Variants in KCNQ1 observed in about 807,000 individuals in gnomAD.
KCNQ1 encodes the protein potassium voltage-gated channel subfamily KQT member 1.
In KCNQ1, 49 loss-of-function variants were observed where a neutral mutation model predicts 72.4. The ratio of observed to expected loss-of-function variants is 0.68; its 90% CI spans 0.54 to 0.86. KCNQ1 has a LOEUF of 0.86. KCNQ1 is among the 40% of genes least tolerant of loss of function. The pLI is 0.00. For missense variants in KCNQ1, 790 were observed against 945.1 expected (o/e 0.84, Z 2.15); for synonymous variants, 450 against 412.6 (o/e 1.09, Z -1.10).
rs961361668 is a variant in KCNQ1, at chr11:2,767,445, G to A, written c.1515-1399G>A. Among the ~76,000 whole-genome samples, 9 of 152,194 alleles carry A rather than the reference G, an allele frequency of 5.9e-5. No homozygotes were observed. Among genetic ancestry groups the A allele is most frequent in the African/African-American group, 2.2e-4 (9 of 41,450 alleles). On this transcript the variant is annotated intron_variant, in intron 11 of 15. Coordinates refer to ENST00000155840, the MANE Select transcript of KCNQ1 (RefSeq NM_000218.3). The surrounding 1 kb of genome is among the most constrained non-coding windows in gnomAD (Gnocchi z 4.6). The stretch of plus-strand genomic sequence containing the variant: ...CAGACTCCATCTCTTAATGGAAGGA[G>A]CTGCAAGTATTTAAGGCTGTTGGAA...
In KCNQ1 at chr11:2,746,064, A is replaced by G. The variant is rs145467696; in HGVS notation, c.1515-22780A>G. On this transcript the variant is annotated intron_variant, in intron 11 of 15. Transcript: ENST00000155840. The surrounding 1 kb of genome is among the most constrained non-coding windows in gnomAD (Gnocchi z 5.9). Reference sequence around the variant, plus strand: ...GCCACCACACCTAGCTAATTTTTGTATTTTTGGTAGAGGTGGGGTTTCACC... The same window carrying G: ...GCCACCACACCTAGCTAATTTTTGTGTTTTTGGTAGAGGTGGGGTTTCACC... 0.012 allele frequency among the ~76,000 whole-genome samples: 1,830 copies of G among 152,038 alleles called. 74 individuals are homozygous for G. The highest frequency in any genetic ancestry group is 0.1 in the East Asian group (514 of 5,140).
intron 10 of KCNQ1, chr11:2,625,529 A>T: frequency 7.6e-6 from 3 of 396,446 alleles, no homozygotes; most frequent in Non-Finnish European, 8.9e-6. Flanking sequence ...ACGTACTATT[A>T]TCCATTTGTA....
At chr11:2,640,816 T>C in intron 10 of KCNQ1, 1 of 398,916 alleles carries the variant, frequency 2.5e-6, no homozygotes, top group Non-Finnish European at 4.4e-6. Context: ...CTAACCAACC[T>C]CTCTTCACCC....
rs1411834072 is a variant in KCNQ1 at position 2,645,217 on chromosome 11, C to T, written c.1394-16744C>T. 2.5e-6 allele frequency: 1 copy of T among 398,412 alleles called. No individual in the cohort carries two copies. The highest frequency in any genetic ancestry group is 2.1e-5 in the African/African-American group (1 of 48,562). 24.7% of individuals were successfully genotyped at this position (398,412 alleles called of 1,614,324 possible). A position where few individuals can be genotyped will look rare whatever the true frequency, so the allele number is the denominator to read the frequency against. ...AAGCTGGATGAGCTTGTCCCAAGGC[C>T]CACAGGTGGCAAATTCAAGTGAATG... On this transcript the variant is annotated intron_variant, in intron 10 of 15. Transcript: ENST00000155840. This position sits in a 1 kb window ranked among gnomAD's most constrained non-coding sequence, Gnocchi z 5.8.
chr11:2,778,945 G>A (rs1049750459), intron 15 of KCNQ1, among the ~76,000 whole-genome samples: 30 of 152,178 alleles, frequency 2.0e-4, no homozygotes, highest in Middle Eastern at 3.4e-3. Context: ...GACCTGCAGC[G>A]TCACCCTCTC....
At chr11:2,650,750 T>C (rs575787607) in intron 10 of KCNQ1, 5 of 398,686 alleles carry the variant, frequency 1.3e-5, no homozygotes, top group African/African-American at 4.1e-5. Context: ...CTCACTTTGC[T>C]ACCCACAGGC....
intron 11 of KCNQ1, chr11:2,696,057 A>G (rs1463984776): frequency 5.0e-6 from 2 of 398,498 alleles, no homozygotes; most frequent in African/African-American, 4.1e-5. Flanking sequence ...TATTATGAAA[A>G]CAGTCTTGAC....
At position 2,595,520 on chromosome 11, in the gene KCNQ1, C is replaced by T. The variant is rs1207488692; in HGVS notation, c.1393+6666C>T. ...TAAGAATTATGCTAAATCTACTCTGCTTATGCTCTATAATGAAGCAACAAA... is the reference window on the plus strand; with the variant it reads ...TAAGAATTATGCTAAATCTACTCTGTTTATGCTCTATAATGAAGCAACAAA... On this transcript the variant is annotated intron_variant, in intron 10 of 15. Coordinates refer to ENST00000155840, the MANE Select transcript of KCNQ1 (RefSeq NM_000218.3). The surrounding 1 kb of genome is among the most constrained non-coding windows in gnomAD (Gnocchi z 5.0). 6.6e-6 allele frequency among the ~76,000 whole-genome samples: 1 copy of T among 152,158 alleles called. No individual in the cohort carries two copies. The highest frequency in any genetic ancestry group is 1.5e-5 in the Non-Finnish European group (1 of 68,022).
chr11:2,475,269 G>A lies in KCNQ1; in HGVS notation c.386+29785G>A, dbSNP rs1003244291. 2.6e-5 allele frequency among the ~76,000 whole-genome samples: 4 copies of A among 151,668 alleles called. No homozygotes were observed. Among genetic ancestry groups the A allele is most frequent in the Admixed American group, 6.6e-5 (1 of 15,204 alleles). Reference sequence around the variant, plus strand: ...CCCTGTGTGTCTGGTTTCCTTCACCGAGCGTCCTGTCTTCACTGTCCGCCG... The same window carrying A: ...CCCTGTGTGTCTGGTTTCCTTCACCAAGCGTCCTGTCTTCACTGTCCGCCG... On this transcript the variant is annotated intron_variant, in intron 1 of 15. Transcript: ENST00000155840. The surrounding 1 kb of genome is among the most constrained non-coding windows in gnomAD (Gnocchi z 5.8).
In KCNQ1 at chr11:2,690,945, A is replaced by G. The variant is rs941581941; in HGVS notation, c.1514+28864A>G. Reference sequence around the variant, plus strand: ...GGCTTTAAGCCAACCTGAAAGGTTCATTTGGGAGTCACGGGTATGTGTCAA... The same window carrying G: ...GGCTTTAAGCCAACCTGAAAGGTTCGTTTGGGAGTCACGGGTATGTGTCAA... On this transcript the variant is annotated intron_variant, in intron 11 of 15. Transcript: ENST00000155840. This position sits in a 1 kb window ranked among gnomAD's most constrained non-coding sequence, Gnocchi z 5.1. 5 of 398,530 alleles carry G rather than the reference A, an allele frequency of 1.3e-5. No homozygotes were observed. The highest frequency in any genetic ancestry group is 1.0e-4 in the African/African-American group (5 of 48,630). 24.7% of individuals were successfully genotyped at this position (398,530 alleles called of 1,614,324 possible).
intron 10 of KCNQ1, chr11:2,630,440 T>C: frequency 2.5e-6 from 1 of 398,354 alleles, no homozygotes; most frequent in Non-Finnish European, 4.4e-6. Flanking sequence ...TAAGTTGGGA[T>C]TGTTCCCTCT....
chr11:2,844,473 T>TA (rs1265872671), intron 15 of KCNQ1, among the ~76,000 whole-genome samples: 2 of 152,324 alleles, frequency 1.3e-5, no homozygotes, highest in African/African-American at 4.8e-5. Context: ...GAGCCAGGCA[T>TA]GGGCTGACGC....
chr11:2,739,452 C>A (rs1216119886), intron 11 of KCNQ1, among the ~76,000 whole-genome samples: 2 of 152,222 alleles, frequency 1.3e-5, no homozygotes, highest in African/African-American at 2.4e-5. Context: ...ATTCCCCCAC[C>A]CCCAAAGGTG....
chr11:2,590,077 C>T (rs570653427), intron 10 of KCNQ1, among the ~76,000 whole-genome samples: 257 of 152,326 alleles, frequency 1.7e-3, no homozygotes, highest in Non-Finnish European at 3.2e-3. Flanking sequence ...TGATCCCAAA[C>T]TGCCAAATTC....
chr11:2,526,978 G>C lies in KCNQ1; in HGVS notation c.387-950G>C, dbSNP rs897643089. ...TCTCCGGTCGCTGAGGATCCACGGG[G>C]GTCCCTGGAGTCTCCGGAGCCCGTG... On this transcript the variant is annotated intron_variant, in intron 1 of 15. Coordinates refer to ENST00000155840, the MANE Select transcript of KCNQ1 (RefSeq NM_000218.3). This position sits in a 1 kb window ranked among gnomAD's most constrained non-coding sequence, Gnocchi z 6.1. Among the ~76,000 whole-genome samples the C allele has an allele frequency of 8.5e-5, 13 of 152,158 alleles. No individual in the cohort carries two copies. Among genetic ancestry groups the C allele is most frequent in the Non-Finnish European group, 1.5e-4 (10 of 68,002 alleles).
rs1363196808 is a variant in KCNQ1, at chr11:2,526,158, G to T, written c.387-1770G>T. Among the ~76,000 whole-genome samples the T allele has an allele frequency of 2.0e-5, 3 of 152,174 alleles. No individual in the cohort carries two copies. In the South Asian group the frequency reaches 6.2e-4, roughly 31 times the overall value. ...GGCAACAAGGGCCGGGAGGAGCTGG[G>T]GTGATCTGGGGCCATCGTGGTGTAA... On this transcript the variant is annotated intron_variant, in intron 1 of 15. Transcript: ENST00000155840. This position sits in a 1 kb window ranked among gnomAD's most constrained non-coding sequence, Gnocchi z 6.1.
At chr11:2,533,747 C>G (rs1847680528) in intron 2 of KCNQ1, among the ~76,000 whole-genome samples, 1 of 152,234 alleles carries the variant, frequency 6.6e-6, no homozygotes, top group African/African-American at 2.4e-5. Flanking sequence ...GCCCCCTGCT[C>G]TCTGCAGTAA....
rs1846462201 is a variant in KCNQ1 at position 2,764,582 on chromosome 11, A to G, written c.1515-4262A>G. On this transcript the variant is annotated intron_variant, in intron 11 of 15. Coordinates refer to ENST00000155840, the MANE Select transcript of KCNQ1 (RefSeq NM_000218.3). This position sits in a 1 kb window ranked among gnomAD's most constrained non-coding sequence, Gnocchi z 4.8. ...ATGAAAATACTTGTATAAAATTGAC[A>G]TTATTTTTTCCTTAAACATTTGGAA... Among the ~76,000 whole-genome samples the G allele has an allele frequency of 6.6e-6, 1 of 152,154 alleles. No individual in the cohort carries two copies. Among genetic ancestry groups the G allele is most frequent in the Non-Finnish European group, 1.5e-5 (1 of 68,036 alleles).
At position 2,710,301 on chromosome 11, in the gene KCNQ1, C is replaced by A. The variant is rs908207974; in HGVS notation, c.1514+48220C>A. On this transcript the variant is annotated intron_variant, in intron 11 of 15. Coordinates refer to ENST00000155840, the MANE Select transcript of KCNQ1 (RefSeq NM_000218.3). This position sits in a 1 kb window ranked among gnomAD's most constrained non-coding sequence, Gnocchi z 4.1. ...CTTTGAAGAAGTATGTATTCAAATT[C>A]TTTGCCCAAATTTTAATTGGGTTGT... Among the ~76,000 whole-genome samples the A allele has an allele frequency of 1.3e-5, 2 of 152,136 alleles. No individual in the cohort carries two copies. The highest frequency in any genetic ancestry group is 2.9e-5 in the Non-Finnish European group (2 of 68,026).
Sources: allele counts gnomAD v4.1 joint callset (sites outside exome capture counted in the v4.1 genomes callset), GRCh38; gene constraint gnomAD v4.1.1; non-coding constraint Gnocchi (gnomAD v3.1); transcripts MANE v1.5; gene names NCBI Gene and HGNC (gene_info 2026-07-23, HGNC 2026-07-21).